Variants in GPHN observed in about 807,000 individuals in gnomAD.
GPHN encodes gephyrin.
In GPHN, 17 loss-of-function variants were observed where a neutral mutation model predicts 95.5. That is an observed-to-expected ratio of 0.18 (90% CI 0.12 to 0.27). The LOEUF is 0.27. Ranked by LOEUF, GPHN falls within the 10% of genes least tolerant of loss-of-function variation. The pLI is 1.00. For missense variants in GPHN, 660 were observed against 978.1 expected (o/e 0.67, Z 4.34); for synonymous variants, 320 against 322.5 (o/e 0.99, Z 0.08).
chr14:67,129,039 C>T (rs1468430353), intron 17 of GPHN, among the ~76,000 whole-genome samples: 4 of 151,872 alleles, frequency 2.6e-5, no homozygotes, highest in Non-Finnish European at 4.4e-5. Flanking sequence ...GTCTCAAACT[C>T]CTGACCTCAG....
In GPHN at chr14:67,125,432, C is replaced by T. The variant is rs2079242937; in HGVS notation, c.1748+3055C>T. ...AGCTCTCCAGGGAAACAAGCAGAGT[C>T]ATGGGAGAAACTGTACCCTAGGTTT... On this transcript the variant is annotated intron_variant, in intron 17 of 22. Transcript: ENST00000478722. Among the ~76,000 whole-genome samples, 5 of 152,260 alleles carry T rather than the reference C, an allele frequency of 3.3e-5. No individual in the cohort carries two copies. The South Asian group carries it at 1.0e-3, about 32-fold the overall frequency.
At chr14:66,844,127 T>A (rs2062214815) in intron 4 of GPHN, among the ~76,000 whole-genome samples, 1 of 152,154 alleles carries the variant, frequency 6.6e-6, no homozygotes, top group African/African-American at 2.4e-5. Context: ...TGCTCTGCTC[T>A]ATTTTTTCCT....
the GPHN span, among the ~76,000 whole-genome samples, chr14:67,675,695 A>G: frequency 3.0e-4 from 45 of 152,274 alleles, 1 homozygote; most frequent in South Asian, 6.0e-3. Flanking sequence ...CTCCAGGGGA[A>G]TTTATAATCT....
chr14:66,969,815 AAAAAG>A (rs1160063448), intron 9 of GPHN: 1 of 151,822 alleles, frequency 6.6e-6, no homozygotes, highest in African/African-American at 2.4e-5. Flanking sequence ...AAAAAAAAAA[AAAAAG>A]AAAGAAAGGA....
chr14:66,512,334 C>T (rs1037498726), intron 1 of GPHN, among the ~76,000 whole-genome samples: 22 of 151,748 alleles, frequency 1.4e-4, no homozygotes, highest in Non-Finnish European at 7.4e-5. Flanking sequence ...TCTACAGAAA[C>T]ATTACTAGGA....
chr14:67,221,705 A>G, the GPHN span: 1 of 1,579,266 alleles, frequency 6.3e-7, no homozygotes, highest in Non-Finnish European at 8.6e-7. Context: ...CGGTTATTTT[A>G]TATCTAGTAG....
At chr14:66,794,968 T>C (rs1474882500) in intron 3 of GPHN, among the ~76,000 whole-genome samples, 1 of 152,140 alleles carries the variant, frequency 6.6e-6, no homozygotes, top group African/African-American at 2.4e-5. Flanking sequence ...TTTTGCCAGG[T>C]ACAGTAGCAC....
intron 10 of GPHN, among the ~76,000 whole-genome samples, chr14:67,057,871 A>G (rs544331579): frequency 3.9e-5 from 6 of 152,240 alleles, no homozygotes; most frequent in Admixed American, 2.6e-4. Context: ...CTGATCATCA[A>G]ACTTGCTGTT....
At chr14:67,284,250 T>A in the GPHN span, among the ~76,000 whole-genome samples, 1 of 151,968 alleles carries the variant, frequency 6.6e-6, no homozygotes, top group African/African-American at 2.4e-5. Context: ...ATAATTCACA[T>A]ACCATAAAAT....
In GPHN at chr14:67,111,906, G is replaced by A; in HGVS notation, c.1459G>A (p.Gly487Ser). 2 of 1,612,490 alleles carry A rather than the reference G, an allele frequency of 1.2e-6. No homozygotes were observed. The highest frequency in any genetic ancestry group is 2.2e-5 in the East Asian group (1 of 44,868). The change falls in exon 15 of 23, where the codon GGC becomes AGC. Residue 487 changes from glycine (G) to serine (S), a missense_variant. Around this residue, in one of 6 missense-constraint regions of GPHN, gnomAD observed 257 missense variants for 376.2 expected, o/e 0.68. Coordinates refer to ENST00000478722, the MANE Select transcript of GPHN (RefSeq NM_020806.5). ...GCGAATTCTGGTGCAAGCTCGGCCA[G>A]GCCAAGATATCAGGTAACTTCAAAA... ...EVRILVQARP[G>S]QDIRPIGHDI...
the GPHN span, chr14:67,473,498 G>A: frequency 6.2e-7 from 1 of 1,614,208 alleles, no homozygotes; most frequent in Non-Finnish European, 8.5e-7. The surrounding 1 kb of genome is among the most constrained non-coding windows in gnomAD (Gnocchi z 6.5). Flanking sequence ...TGTCGAAGCG[G>A]AGGCGGAGGG....
chr14:67,144,264 T>TATATATATACATAC (rs1555502059), intron 18 of GPHN, among the ~76,000 whole-genome samples: 1 of 83,134 alleles, frequency 1.2e-5, no homozygotes, highest in African/African-American at 7.5e-5. Flanking sequence ...TATATATATA[T>TATATATATACATAC]ATATATATAT....
At chr14:67,531,531 A>G in the GPHN span, among the ~76,000 whole-genome samples, 3 of 151,856 alleles carry the variant, frequency 2.0e-5, no homozygotes, top group Non-Finnish European at 4.4e-5. Flanking sequence ...TCTGCCCTCT[A>G]CAGAAGTAAC....
intron 1 of GPHN, among the ~76,000 whole-genome samples, chr14:66,595,867 C>T (rs553528199): frequency 3.3e-5 from 5 of 152,282 alleles, no homozygotes; most frequent in Admixed American, 6.5e-5. Context: ...TCAGTCGTGC[C>T]GTTCCGCAGG....
intron 17 of GPHN, among the ~76,000 whole-genome samples, chr14:67,127,024 C>T (rs932926207): frequency 1.1e-4 from 16 of 147,674 alleles, no homozygotes; most frequent in African/African-American, 4.0e-4. Flanking sequence ...CATGTTCTCA[C>T]TCATAGGTGG....
At chr14:66,606,753 C>G (rs1406170772) in intron 1 of GPHN, among the ~76,000 whole-genome samples, 2 of 151,938 alleles carry the variant, frequency 1.3e-5, no homozygotes, top group African/African-American at 2.4e-5. Flanking sequence ...TGATTTGGCT[C>G]TCAGGTAGAA....
chr14:67,373,115 G>C, the GPHN span, among the ~76,000 whole-genome samples: 1 of 152,176 alleles, frequency 6.6e-6, no homozygotes, highest in African/African-American at 2.4e-5. Context: ...ATTCACTTTG[G>C]GAAAGTTTGG....
intron 2 of GPHN, among the ~76,000 whole-genome samples, chr14:66,705,503 G>A (rs1382870206): frequency 1.3e-5 from 2 of 152,088 alleles, no homozygotes; most frequent in Non-Finnish European, 2.9e-5. Flanking sequence ...ATGCAAGGCT[G>A]GTTCAACATA....
intron 2 of GPHN, among the ~76,000 whole-genome samples, chr14:66,769,506 G>A (rs2059086256): frequency 6.6e-6 from 1 of 151,972 alleles, no homozygotes; most frequent in Non-Finnish European, 1.5e-5. Context: ...ACCCCGGTGT[G>A]TGTTGTTCCC....
Sources: gnomAD v4.1 joint callset for allele counts (sites outside exome capture counted in the v4.1 genomes callset) on GRCh38, gnomAD v4.1.1 for gene constraint, gnomAD v4.1.1 regional missense constraint, Gnocchi (gnomAD v3.1) non-coding constraint, MANE v1.5 for transcripts, NCBI Gene and HGNC (gene_info 2026-07-23, HGNC 2026-07-21) for gene names.